Variants in SLC4A4 observed in about 807,000 individuals in gnomAD.
SLC4A4 encodes electrogenic sodium bicarbonate cotransporter 1.
Under a neutral mutation model 111.5 loss-of-function variants are expected in SLC4A4, and 27 were observed. The ratio of observed to expected loss-of-function variants is 0.24; its 90% CI spans 0.18 to 0.33. The LOEUF (loss-of-function observed/expected upper bound fraction) is 0.33, where lower values mean the gene tolerates loss of function less well. Ranked by LOEUF, SLC4A4 falls within the 10% of genes least tolerant of loss-of-function variation. The pLI is 1.00. For missense variants in SLC4A4, 909 were observed against 1,315.5 expected, an observed-to-expected ratio of 0.69 and a Z score of 4.78; for synonymous variants, 443 against 463.4, an observed-to-expected ratio of 0.96 and a Z score of 0.57.
At chr4:71,285,599 T>C (rs1723854003) in intron 3 of SLC4A4, among the ~76,000 whole-genome samples, 1 of 152,156 alleles carries the variant, frequency 6.6e-6, no homozygotes, top group Non-Finnish European at 1.5e-5. Flanking sequence ...TTAGGAAAAG[T>C]GAAGTCAACA....
At chr4:71,073,690 AC>A (rs1248188381) in intron 1 of SLC4A4, among the ~76,000 whole-genome samples, 3 of 151,776 alleles carry the variant, frequency 2.0e-5, no homozygotes, top group African/African-American at 4.8e-5. Flanking sequence ...AAGGAATTTT[AC>A]CCCCTTTTTG....
chr4:71,408,182 A>G (rs1721045731), intron 7 of SLC4A4, among the ~76,000 whole-genome samples: 1 of 152,176 alleles, frequency 6.6e-6, no homozygotes, highest in Non-Finnish European at 1.5e-5. Context: ...AGCACATAAC[A>G]TTGAGTATTT....
chr4:71,446,183 T>TA (rs57177869), intron 8 of SLC4A4, among the ~76,000 whole-genome samples: 36,490 of 151,240 alleles, frequency 0.24, 5,104 homozygotes, highest in South Asian at 0.43. Context: ...AATTTTATGA[T>TA]AAAAAAAAAG....
chr4:71,188,479 A>G (rs1745592134), intron 1 of SLC4A4, among the ~76,000 whole-genome samples: 1 of 152,170 alleles, frequency 6.6e-6, no homozygotes, highest in African/African-American at 2.4e-5. Flanking sequence ...TCCTAATGAG[A>G]AATCAAGAAC....
chr4:71,470,962 A>G (rs1727814366), intron 13 of SLC4A4, among the ~76,000 whole-genome samples: 1 of 151,994 alleles, frequency 6.6e-6, no homozygotes, highest in Admixed American at 6.6e-5. Flanking sequence ...ACCAATTTGA[A>G]TGTTTATTTC....
intron 10 of SLC4A4, 107 bp from the exon 11 acceptor site, chr4:71,451,081 C>T: frequency 1.3e-6 from 1 of 762,530 alleles, no homozygotes; most frequent in Non-Finnish European, 2.3e-6. Context: ...CAATCTTTCA[C>T]CTTAAGGGTT....
intron 2 of SLC4A4, among the ~76,000 whole-genome samples, chr4:71,136,136 G>A (rs928106221): frequency 6.6e-6 from 1 of 152,200 alleles, no homozygotes; most frequent in African/African-American, 2.4e-5. Flanking sequence ...AGGCTCAGGT[G>A]TTTACCACAA....
At chr4:71,492,025 T>C (rs571718181) in intron 15 of SLC4A4, among the ~76,000 whole-genome samples, 13 of 151,756 alleles carry the variant, frequency 8.6e-5, no homozygotes, top group Admixed American at 3.9e-4. Flanking sequence ...TCATGATGAT[T>C]CTAGGAATTA....
At chr4:71,064,348 AT>A (rs1237745068) in intron 1 of SLC4A4, among the ~76,000 whole-genome samples, 1 of 152,198 alleles carries the variant, frequency 6.6e-6, no homozygotes, top group Non-Finnish European at 1.5e-5. Flanking sequence ...TGGTAGAGCT[AT>A]TGTTAATATG....
At chr4:71,132,467 A>G (rs1277933665) in intron 2 of SLC4A4, among the ~76,000 whole-genome samples, 1 of 152,208 alleles carries the variant, frequency 6.6e-6, no homozygotes, top group East Asian at 1.9e-4. Flanking sequence ...TTTAGCAGTT[A>G]CAGCAGGTTT....
intron 2 of SLC4A4, among the ~76,000 whole-genome samples, chr4:71,138,824 C>G (rs893593655): frequency 6.6e-6 from 1 of 152,014 alleles, no homozygotes; most frequent in Non-Finnish European, 1.5e-5. Context: ...ATCACGAGGT[C>G]AGGAGATTGA....
At chr4:71,063,708 T>C (rs1159283876) in intron 1 of SLC4A4, among the ~76,000 whole-genome samples, 5 of 152,160 alleles carry the variant, frequency 3.3e-5, no homozygotes, top group African/African-American at 1.2e-4. Flanking sequence ...GTATTTTTCT[T>C]GTCCAAAAGA....
intron 3 of SLC4A4, among the ~76,000 whole-genome samples, chr4:71,310,367 C>T (rs550717059): frequency 1.6e-4 from 24 of 152,098 alleles, no homozygotes; most frequent in Non-Finnish European, 2.9e-4. Flanking sequence ...AGAGCAACCC[C>T]AAGACACATA....
At chr4:71,529,476 A>AGCG (rs386400444) in intron 16 of SLC4A4, among the ~76,000 whole-genome samples, 4 of 151,680 alleles carry the variant, frequency 2.6e-5, no homozygotes, top group Non-Finnish European at 5.9e-5. Context: ...CCAAATTAGC[A>AGCG]GCCCCATACA....
chr4:71,084,347 A>C (rs150969077), intron 1 of SLC4A4, among the ~76,000 whole-genome samples: 16 of 152,140 alleles, frequency 1.1e-4, no homozygotes, highest in African/African-American at 3.9e-4. Flanking sequence ...AACCTCCACG[A>C]ACCTATTCAA....
chr4:71,542,528 A>G (rs907049613), intron 18 of SLC4A4, among the ~76,000 whole-genome samples: 1 of 151,098 alleles, frequency 6.6e-6, no homozygotes, highest in Non-Finnish European at 1.5e-5. Flanking sequence ...CTAATTTTCT[A>G]CCTCCCCCAT....
At chr4:71,142,918 G>A (rs973197655) in intron 2 of SLC4A4, among the ~76,000 whole-genome samples, 2 of 151,812 alleles carry the variant, frequency 1.3e-5, no homozygotes, top group African/African-American at 4.8e-5. Flanking sequence ...TTTATGTGAA[G>A]TACCTGGTTT....
intron 1 of SLC4A4, among the ~76,000 whole-genome samples, chr4:71,214,809 GCAGCTCC>G (rs1318012418): frequency 1.3e-5 from 2 of 152,164 alleles, no homozygotes; most frequent in African/African-American, 4.8e-5. Context: ...GCCCTGCCTG[GCAGCTCC>G]CAGGAGTGAG....
At chr4:71,101,392 T>C (rs1742729123) in intron 2 of SLC4A4, among the ~76,000 whole-genome samples, 2 of 152,332 alleles carry the variant, frequency 1.3e-5, no homozygotes, top group Non-Finnish European at 2.9e-5. Flanking sequence ...TTCAAACAAA[T>C]GACATTCTTC....
Sources: allele counts gnomAD v4.1 joint callset (sites outside exome capture counted in the v4.1 genomes callset), GRCh38; gene constraint gnomAD v4.1.1; transcripts MANE v1.5; gene names NCBI Gene and HGNC (gene_info 2026-07-23, HGNC 2026-07-21).